The following PRIM2 variants were observed in gnomAD, a reference collection of about 807,000 sequenced individuals.
The protein encoded by PRIM2 is DNA primase subunit 2, also known as DNA primase large subunit.
PRIM2 carries 39 observed loss-of-function variants against 67.3 expected under a neutral mutation model. The observed-to-expected ratio is 0.58, with a 90% CI of 0.45 to 0.76. The LOEUF (loss-of-function observed/expected upper bound fraction) is 0.76, where lower values mean the gene tolerates loss of function less well. Ranked by LOEUF, PRIM2 falls within the 30% of genes least tolerant of loss-of-function variation. The probability of loss-of-function intolerance (pLI) is 0.00; values close to 1 mark genes in which losing one functional copy is unlikely to be tolerated. For missense variants in PRIM2, 398 were observed against 598.7 expected (o/e 0.66, Z 3.50); for synonymous variants, 143 against 198.7 (o/e 0.72, Z 2.36).
At chr6:57,391,543 A>G (rs978200371) in intron 7 of PRIM2, among the ~76,000 whole-genome samples, 2 of 152,136 alleles carry the variant, frequency 1.3e-5, no homozygotes, top group Non-Finnish European at 2.9e-5. Flanking sequence ...ATTTTTATAT[A>G]TGGTATAAGG....
chr6:57,307,529 C>T, the PRIM2 span, among the ~76,000 whole-genome samples: 3 of 151,968 alleles, frequency 2.0e-5, no homozygotes, highest in Non-Finnish European at 1.5e-5. Flanking sequence ...TGAGCCACTG[C>T]GCCTGGCCAA....
At chr6:57,606,316 T>A in intron 11 of PRIM2, 59 bp from the exon 12 acceptor site, 2 of 1,388,942 alleles carry the variant, frequency 1.4e-6, no homozygotes, top group Admixed American at 3.8e-5. Flanking sequence ...GAGTGTGGTG[T>A]TGTACTAAGT....
At chr6:57,418,366 T>C (rs1314825012) in intron 7 of PRIM2, among the ~76,000 whole-genome samples, 2 of 147,538 alleles carry the variant, frequency 1.4e-5, no homozygotes, top group African/African-American at 5.0e-5. Flanking sequence ...GATAAGGTAA[T>C]GTTTCCTATG....
chr6:57,619,450 G>T (rs1310346905), intron 12 of PRIM2, among the ~76,000 whole-genome samples: 1 of 152,180 alleles, frequency 6.6e-6, no homozygotes, highest in African/African-American at 2.4e-5. Context: ...AATTCAGTAG[G>T]TTAGTTATTA....
At chr6:57,372,793 C>T (rs1196279764) in intron 5 of PRIM2, among the ~76,000 whole-genome samples, 3 of 152,174 alleles carry the variant, frequency 2.0e-5, no homozygotes. Context: ...CTCATTCCTT[C>T]TTAAGGCTGC....
At chr6:57,589,896 G>T (rs1213367875) in intron 10 of PRIM2, among the ~76,000 whole-genome samples, 2 of 152,106 alleles carry the variant, frequency 1.3e-5, no homozygotes, top group Non-Finnish European at 1.5e-5. Context: ...TCCAGCCCAG[G>T]CATTGGGGAG....
chr6:57,277,010 GGAA>G, the PRIM2 span, among the ~76,000 whole-genome samples: 1 of 152,062 alleles, frequency 6.6e-6, no homozygotes, highest in East Asian at 1.9e-4. Flanking sequence ...GAGGAGAAGA[GGAA>G]GAAGGAGAAG....
chr6:57,386,326 G>A (rs1770147168), intron 7 of PRIM2, among the ~76,000 whole-genome samples: 1 of 150,626 alleles, frequency 6.6e-6, no homozygotes, highest in Non-Finnish European at 1.5e-5. Context: ...GCTGGGGTGG[G>A]GGGATCACTT....
intron 5 of PRIM2, chr6:57,326,273 G>C: frequency 2.6e-6 from 1 of 383,636 alleles, no homozygotes; most frequent in East Asian, 4.4e-5. Context: ...TTAAATGTGT[G>C]CTTTATTAAA....
the PRIM2 span, among the ~76,000 whole-genome samples, chr6:57,298,593 C>T: frequency 6.6e-6 from 1 of 151,930 alleles, no homozygotes; most frequent in Non-Finnish European, 1.5e-5. Flanking sequence ...AAAATTTTAA[C>T]AGCTACAAAA....
At chr6:57,510,402 T>C (rs1442260852) in intron 8 of PRIM2, among the ~76,000 whole-genome samples, 1 of 152,210 alleles carries the variant, frequency 6.6e-6, no homozygotes, top group Non-Finnish European at 1.5e-5. Context: ...ATCTAGCTTT[T>C]AGTTAATCTC....
At chr6:57,450,446 G>A (rs1451881874) in intron 7 of PRIM2, among the ~76,000 whole-genome samples, 1 of 152,158 alleles carries the variant, frequency 6.6e-6, no homozygotes, top group Non-Finnish European at 1.5e-5. Flanking sequence ...AAGAATCTTA[G>A]CATAATGCCA....
At chr6:57,629,352 C>T (rs1313470532) in intron 12 of PRIM2, among the ~76,000 whole-genome samples, 4 of 152,040 alleles carry the variant, frequency 2.6e-5, no homozygotes, top group African/African-American at 4.8e-5. Context: ...GTGGCTACTG[C>T]GTGATATTTT....
At chr6:57,304,471 C>T in the PRIM2 span, among the ~76,000 whole-genome samples, 1 of 152,204 alleles carries the variant, frequency 6.6e-6, no homozygotes, top group African/African-American at 2.4e-5. Flanking sequence ...GGTCATTAAT[C>T]AGAGTTTGTA....
At chr6:57,371,985 C>T (rs1253082316) in intron 5 of PRIM2, among the ~76,000 whole-genome samples, 10 of 152,194 alleles carry the variant, frequency 6.6e-5, no homozygotes, top group African/African-American at 1.4e-4. Flanking sequence ...ATAGCAAATA[C>T]GAAAGCAAAA....
intron 5 of PRIM2, among the ~76,000 whole-genome samples, chr6:57,333,972 G>A (rs1768139450): frequency 6.6e-6 from 1 of 152,164 alleles, no homozygotes. Context: ...GTCATTAACT[G>A]TAGACATCAT....
chr6:57,581,614 C>T (rs1380590000), intron 10 of PRIM2, among the ~76,000 whole-genome samples: 12 of 152,098 alleles, frequency 7.9e-5, no homozygotes, highest in East Asian at 1.9e-4. Context: ...AATTATCTCC[C>T]GTAGAACTCC....
At chr6:57,241,093 G>A in the PRIM2 span, among the ~76,000 whole-genome samples, 2 of 151,776 alleles carry the variant, frequency 1.3e-5, no homozygotes, top group African/African-American at 4.8e-5. Flanking sequence ...GCATGGTGGT[G>A]GGCACCTGTA....
chr6:57,531,332 A>G (rs1774885173), intron 8 of PRIM2, among the ~76,000 whole-genome samples: 9 of 152,066 alleles, frequency 5.9e-5, no homozygotes, highest in East Asian at 1.9e-4. Flanking sequence ...TTTTGTTTTA[A>G]TTTTTATTAT....
Sources: allele counts gnomAD v4.1 joint callset (sites outside exome capture counted in the v4.1 genomes callset), GRCh38; gene constraint gnomAD v4.1.1; transcripts MANE v1.5; gene names NCBI Gene and HGNC (gene_info 2026-07-23, HGNC 2026-07-21).